Variants in CBLN2 observed in about 807,000 individuals in gnomAD.
The protein encoded by CBLN2 is cerebellin-2.
Under a neutral mutation model 15.0 loss-of-function variants are expected in CBLN2, and 7 were observed. The observed-to-expected ratio is 0.47, with a 90% CI of 0.27 to 0.88. The LOEUF is 0.88. Ranked by LOEUF, CBLN2 falls within the 40% of genes least tolerant of loss-of-function variation. CBLN2 has a pLI of 0.14. For synonymous variants in CBLN2, 149 were observed against 135.2 expected (o/e 1.10, Z -0.71); for missense variants, 242 against 304.5 (o/e 0.79, Z 1.53).
intron 1 of CBLN2, among the ~76,000 whole-genome samples, chr18:72,602,120 A>G (rs569088491): frequency 2.6e-5 from 4 of 152,314 alleles, no homozygotes; most frequent in African/African-American, 9.6e-5. Context: ...TTGAAGCAGA[A>G]CAAAGACATC....
intron 1 of CBLN2, among the ~76,000 whole-genome samples, chr18:72,580,101 A>G (rs1316232323): frequency 6.6e-6 from 1 of 151,748 alleles, no homozygotes; most frequent in Admixed American, 6.6e-5. Flanking sequence ...AGCATAATAT[A>G]TATATATATA....
intron 3 of CBLN2, 103 bp from the exon 4 acceptor site, chr18:72,538,875 C>T: frequency 4.1e-6 from 6 of 1,463,668 alleles, no homozygotes; most frequent in South Asian, 1.3e-5. Context: ...TCATCAGCGG[C>T]TGGGAACACA....
upstream of CBLN2, among the ~76,000 whole-genome samples, chr18:72,545,883 C>T (rs907169204): frequency 3.3e-5 from 5 of 152,134 alleles, no homozygotes; most frequent in Admixed American, 1.3e-4. Flanking sequence ...CATGAACTAT[C>T]GTCATCAACA....
chr18:72,621,333 A>G (rs949616980), intron 1 of CBLN2, among the ~76,000 whole-genome samples: 3 of 152,082 alleles, frequency 2.0e-5, no homozygotes, highest in Non-Finnish European at 2.9e-5. Context: ...CTTCCATAAT[A>G]TTTTACGTGA....
intron 1 of CBLN2, among the ~76,000 whole-genome samples, chr18:72,611,713 G>A (rs1363873900): frequency 1.3e-5 from 2 of 152,084 alleles, no homozygotes; most frequent in Non-Finnish European, 2.9e-5. Flanking sequence ...TCTGTTGATG[G>A]TTTCTTTTGC....
chr18:72,550,043 A>G (rs965235017), intron 1 of CBLN2, among the ~76,000 whole-genome samples: 1 of 152,206 alleles, frequency 6.6e-6, no homozygotes, highest in Non-Finnish European at 1.5e-5. Flanking sequence ...CATATACAAA[A>G]GCAAATATTC....
chr18:72,619,216 G>T (rs1160839221), intron 1 of CBLN2: 51 of 932,666 alleles, frequency 5.5e-5, no homozygotes, highest in Non-Finnish European at 8.1e-5. Flanking sequence ...AGTGGCAGAA[G>T]ATTTTAATTA....
At chr18:72,607,135 G>T (rs1336600180) in intron 1 of CBLN2, among the ~76,000 whole-genome samples, 1 of 152,178 alleles carries the variant, frequency 6.6e-6, no homozygotes, top group Non-Finnish European at 1.5e-5. Context: ...CTGTGAACAT[G>T]ATCATCTGTG....
intron 1 of CBLN2, among the ~76,000 whole-genome samples, chr18:72,580,372 A>G (rs1194120491): frequency 6.6e-6 from 1 of 152,152 alleles, no homozygotes; most frequent in African/African-American, 2.4e-5. Flanking sequence ...CACATACATA[A>G]CTACTACCCA....
At position 72,543,248 on chromosome 18, in the gene CBLN2, C is replaced by T. The variant is rs1385424007; in HGVS notation, c.-167+238G>A. The T allele has an allele frequency of 1.4e-5, 5 of 353,148 alleles. No homozygotes were observed. In the Admixed American group the frequency reaches 1.4e-4, roughly 10 times the overall value. The allele number at this position is 353,148 out of a possible 1,614,324, so 21.9% of individuals were successfully genotyped here. ...CCATTTCAATACCAGCCCAGAGACA[C>T]GCAGAGAAGCCGCCCCCTCGCCGCC... On this transcript the variant is annotated intron_variant, in intron 2 of 4. Coordinates refer to ENST00000269503, the MANE Select transcript of CBLN2 (RefSeq NM_182511.4). This position sits in a 1 kb window ranked among gnomAD's most constrained non-coding sequence, Gnocchi z 6.8.
intron 1 of CBLN2, among the ~76,000 whole-genome samples, chr18:72,566,570 C>T (rs959875463): frequency 2.6e-5 from 4 of 151,980 alleles, no homozygotes; most frequent in African/African-American, 9.7e-5. Context: ...ACAAATACTG[C>T]GTGTTGTCAC....
chr18:72,548,363 T>C (rs1417983626), upstream of CBLN2, among the ~76,000 whole-genome samples: 1 of 152,208 alleles, frequency 6.6e-6, no homozygotes, highest in Non-Finnish European at 1.5e-5. Context: ...CACTAACTAG[T>C]TATTTTATAC....
chr18:72,568,987 A>G (rs1451714376), intron 1 of CBLN2, among the ~76,000 whole-genome samples: 5 of 152,220 alleles, frequency 3.3e-5, no homozygotes, highest in Non-Finnish European at 7.3e-5. Flanking sequence ...ATCCTTATGA[A>G]TGAGTGAAGT....
At chr18:72,552,301 C>T (rs1228003942) in intron 1 of CBLN2, among the ~76,000 whole-genome samples, 1 of 151,996 alleles carries the variant, frequency 6.6e-6, no homozygotes, top group East Asian at 1.9e-4. Context: ...TCAGGCTGAT[C>T]TCGAACTCCT....
chr18:72,582,516 C>T lies in CBLN2; in HGVS notation c.16-43744G>A, dbSNP rs557831737. On this transcript the variant is annotated intron_variant, in intron 1 of 2. Coordinates refer to the CBLN2 transcript ENST00000581073. ...GAAACATACTGTTTCTGATATGAGG[C>T]GAGAGATGTGAAGGAGCTTTTTCCT... Among the ~76,000 whole-genome samples, 516 of 152,120 alleles carry T rather than the reference C, an allele frequency of 3.4e-3. 6 individuals are homozygous for T. The highest frequency in any genetic ancestry group is 0.012 in the African/African-American group (499 of 41,476).
chr18:72,541,883 A>C lies in CBLN2; in HGVS notation c.278T>G (p.Val93Gly). ...GISVRSGSAK[V>G]AFSATRSTNH... ...GGTGCTCCGCGTGGCGGAGAAGGCCACCTTGGCGCTGCCGGAGCGCACGGA... is the reference window on the plus strand; with the variant it reads ...GGTGCTCCGCGTGGCGGAGAAGGCCCCCTTGGCGCTGCCGGAGCGCACGGA... Residue 93 changes from valine (V) to glycine (G), a missense_variant, in exon 3 of 5, where the codon GTG becomes GGG. Val to Gly is a moderately radical substitution (Grantham distance 109, BLOSUM62 -3). Around this residue, in one of 4 missense-constraint regions of CBLN2, gnomAD observed 89 missense variants for 114.2 expected, o/e 0.78. Transcript: ENST00000269503. 1 of 1,606,520 alleles carries C rather than the reference A, an allele frequency of 6.2e-7. No individual in the cohort carries two copies.
chr18:72,635,963 T>C (rs886506570), intron 1 of CBLN2, among the ~76,000 whole-genome samples: 4 of 152,180 alleles, frequency 2.6e-5, no homozygotes, highest in Middle Eastern at 3.2e-3. Flanking sequence ...GGTATAAATA[T>C]AGAGGGAGAT....
chr18:72,546,368 C>T (rs1235437937), upstream of CBLN2, among the ~76,000 whole-genome samples: 1 of 151,096 alleles, frequency 6.6e-6, no homozygotes, highest in Non-Finnish European at 1.5e-5. Flanking sequence ...ACCTGGGAGG[C>T]GGAGCTTGCA....
At chr18:72,605,907 C>G (rs976433027) in intron 1 of CBLN2, among the ~76,000 whole-genome samples, 1 of 152,168 alleles carries the variant, frequency 6.6e-6, no homozygotes, top group African/African-American at 2.4e-5. Flanking sequence ...CAACCAAACA[C>G]TACAATGGCA....
Sources: allele counts gnomAD v4.1 joint callset (sites outside exome capture counted in the v4.1 genomes callset), GRCh38; gene constraint gnomAD v4.1.1; regional missense constraint gnomAD v4.1.1; non-coding constraint Gnocchi (gnomAD v3.1); transcripts MANE v1.5; gene names NCBI Gene and HGNC (gene_info 2026-07-23, HGNC 2026-07-21).